The following GPD1L variants were observed in gnomAD, a reference collection of about 807,000 sequenced individuals.
GPD1L encodes glycerol-3-phosphate dehydrogenase 1 like.
Under a neutral mutation model 32.9 loss-of-function variants are expected in GPD1L, and 17 were observed. The ratio of observed to expected loss-of-function variants is 0.52; its 90% CI spans 0.35 to 0.78. The LOEUF is 0.78. Ranked by LOEUF, GPD1L falls within the 30% of genes least tolerant of loss-of-function variation. The pLI, the probability that GPD1L is intolerant of heterozygous loss-of-function variation, is 0.01. For missense variants in GPD1L, 361 were observed against 447.8 expected (o/e 0.81, Z 1.75); for synonymous variants, 187 against 165.9 (o/e 1.13, Z -0.98).
intron 2 of GPD1L, among the ~76,000 whole-genome samples, chr3:32,136,790 C>T (rs1030068890): frequency 6.6e-6 from 1 of 152,078 alleles, no homozygotes; most frequent in Non-Finnish European, 1.5e-5. Context: ...TGTACCATCT[C>T]CTAAGCCTTG....
chr3:32,115,549 G>A (rs1199507373), intron 1 of GPD1L, among the ~76,000 whole-genome samples: 3 of 152,082 alleles, frequency 2.0e-5, no homozygotes, highest in Non-Finnish European at 4.4e-5. Flanking sequence ...GCTGAAGAAA[G>A]GAAGTGGTTT....
In GPD1L at chr3:32,106,769, GC is replaced by G; in HGVS notation, c.47+12del. ...GGGCTCGGGGAACTGGTGAGCGGCGGCGGGCTGGAGGCCGGGGCTCCGCTTC... is the reference window on the plus strand; with the variant it reads ...GGGCTCGGGGAACTGGTGAGCGGCGGGGGCTGGAGGCCGGGGCTCCGCTTC... On this transcript the variant is annotated intron_variant, in intron 1 of 7. Transcript: ENST00000282541. The surrounding 1 kb of genome is among the most constrained non-coding windows in gnomAD (Gnocchi z 4.0). 1 of 1,558,522 alleles carries G rather than the reference GC, an allele frequency of 6.4e-7. No individual in the cohort carries two copies. Among genetic ancestry groups the G allele is most frequent in the Non-Finnish European group, 8.7e-7 (1 of 1,153,008 alleles).
chr3:32,120,189 G>A (rs1301480252), intron 1 of GPD1L, among the ~76,000 whole-genome samples: 1 of 152,190 alleles, frequency 6.6e-6, no homozygotes. Context: ...GTGGTGGCGC[G>A]TGCCTGTAGT....
intron 3 of GPD1L, among the ~76,000 whole-genome samples, chr3:32,139,344 A>G (rs1296795460): frequency 6.6e-6 from 1 of 152,196 alleles, no homozygotes; most frequent in Non-Finnish European, 1.5e-5. Context: ...ATCTCAAGGT[A>G]TCATTTATAC....
At position 32,107,303 on chromosome 3, in the gene GPD1L, A is replaced by T. The variant is rs1700178396; in HGVS notation, c.47+545A>T. ...CTATCTTAGGCGCGTCGTATCAGGA[A>T]GAAAATCCAAGTTTCAACAGGCCGC... On this transcript the variant is annotated intron_variant, in intron 1 of 7. Coordinates refer to ENST00000282541, the MANE Select transcript of GPD1L (RefSeq NM_015141.4). Among the ~76,000 whole-genome samples, 3 of 152,210 alleles carry T rather than the reference A, an allele frequency of 2.0e-5. No homozygotes were observed. In the South Asian group the frequency reaches 6.2e-4, roughly 31 times the overall value.
intron 4 of GPD1L, among the ~76,000 whole-genome samples, chr3:32,146,276 T>C (rs1700824239): frequency 6.6e-6 from 1 of 151,874 alleles, no homozygotes; most frequent in Non-Finnish European, 1.5e-5. Context: ...TTAGTAGAGA[T>C]GGGGTTTCAC....
chr3:32,141,823 G>A (rs1700748614), intron 4 of GPD1L, among the ~76,000 whole-genome samples: 2 of 152,032 alleles, frequency 1.3e-5, no homozygotes, highest in Admixed American at 6.6e-5. Context: ...TTAGATTCGG[G>A]GGTACATGTG....
At chr3:32,130,017 CT>C (rs1700562506) in intron 2 of GPD1L, among the ~76,000 whole-genome samples, 1 of 152,184 alleles carries the variant, frequency 6.6e-6, no homozygotes, top group Admixed American at 6.5e-5. Flanking sequence ...ACCTTGCTTT[CT>C]GGTTCTTCAT....
chr3:32,136,431 C>T (rs912620879), intron 2 of GPD1L, among the ~76,000 whole-genome samples: 1 of 152,154 alleles, frequency 6.6e-6, no homozygotes, highest in African/African-American at 2.4e-5. Flanking sequence ...GGGGCCAATT[C>T]CACCCAAATG....
intron 1 of GPD1L, among the ~76,000 whole-genome samples, chr3:32,125,521 T>G (rs913024073): frequency 2.6e-5 from 4 of 152,140 alleles, no homozygotes; most frequent in Non-Finnish European, 5.9e-5. Flanking sequence ...CCCTGCACCC[T>G]GGGTTGGGCT....
intron 5 of GPD1L, among the ~76,000 whole-genome samples, chr3:32,155,351 A>T (rs999770441): frequency 5.3e-5 from 8 of 152,210 alleles, no homozygotes; most frequent in Admixed American, 3.9e-4. Flanking sequence ...GGCAGTGTGT[A>T]ACTAGCCTGG....
rs369439723 is a variant in GPD1L at position 32,165,858 on chromosome 3, G to A, written c.1004G>A (p.Arg335Lys). The change falls in exon 8 of 8, where the codon AGA (arginine) becomes AAA (lysine). Residue 335 changes from arginine (R) to lysine (K), a missense_variant. Arg to Lys is a conservative substitution (Grantham distance 26). Transcript: ENST00000282541. ...GTGTATCAGATCTGCTACGAAAGCA[G>A]ACCAGTTCAAGAGATGTTGTCTTGT... ...TAVYQICYES[R>K]PVQEMLSCLQ... 12 of 1,610,152 alleles carry A rather than the reference G, an allele frequency of 7.5e-6. No homozygotes were observed. In the African/African-American group the frequency reaches 1.6e-4, roughly 22 times the overall value.
At chr3:32,138,205 C>G (rs376596387) in intron 2 of GPD1L, among the ~76,000 whole-genome samples, 2 of 152,140 alleles carry the variant, frequency 1.3e-5, no homozygotes, top group South Asian at 2.1e-4. Context: ...AACAAGGGAG[C>G]CTGGGGAAAT....
At chr3:32,164,550 T>C (rs1299402431) in intron 7 of GPD1L, among the ~76,000 whole-genome samples, 1 of 152,224 alleles carries the variant, frequency 6.6e-6, no homozygotes, top group Non-Finnish European at 1.5e-5. Context: ...ACATAAGTCA[T>C]TTAATACTTG....
At chr3:32,127,322 A>T (rs1193875644) in intron 1 of GPD1L, among the ~76,000 whole-genome samples, 1 of 152,256 alleles carries the variant, frequency 6.6e-6, no homozygotes, top group African/African-American at 2.4e-5. Context: ...TGACAGGCTC[A>T]GCTAGGATCA....
At position 32,106,829 on chromosome 3, in the gene GPD1L, G is replaced by T. The variant is rs988754584; in HGVS notation, c.47+71G>T. 1 of 1,406,174 alleles carries T rather than the reference G, an allele frequency of 7.1e-7. No homozygotes were observed. Among genetic ancestry groups the T allele is most frequent in the Non-Finnish European group, 9.5e-7 (1 of 1,050,864 alleles). 87.1% of individuals were successfully genotyped at this position (1,406,174 alleles called of 1,614,324 possible). ...GCCTCTCCCGGGCGGTGAGGGCTGCGCGCCCCATGCTGCGGCGTGGGCACC... is the reference window on the plus strand; with the variant it reads ...GCCTCTCCCGGGCGGTGAGGGCTGCTCGCCCCATGCTGCGGCGTGGGCACC... On this transcript the variant is annotated intron_variant, in intron 1 of 7. Coordinates refer to ENST00000282541, the MANE Select transcript of GPD1L (RefSeq NM_015141.4). This position sits in a 1 kb window ranked among gnomAD's most constrained non-coding sequence, Gnocchi z 4.0.
chr3:32,161,813 A>G (rs1701077103), intron 7 of GPD1L, among the ~76,000 whole-genome samples: 1 of 152,170 alleles, frequency 6.6e-6, no homozygotes, highest in Non-Finnish European at 1.5e-5. Context: ...ACCTGTGCTT[A>G]ATAACATCGC....
chr3:32,149,257 C>T (rs546018320), intron 5 of GPD1L, among the ~76,000 whole-genome samples: 7 of 152,214 alleles, frequency 4.6e-5, no homozygotes, highest in East Asian at 3.9e-4. Context: ...GATGGGGCCT[C>T]GCTGTGTTGT....
At chr3:32,149,353 A>G (rs1283695111) in intron 5 of GPD1L, among the ~76,000 whole-genome samples, 2 of 152,152 alleles carry the variant, frequency 1.3e-5, no homozygotes, top group Middle Eastern at 3.2e-3. Flanking sequence ...GACCCACCAC[A>G]TCCAGCCATT....
Sources: gnomAD v4.1 joint callset for allele counts (sites outside exome capture counted in the v4.1 genomes callset) on GRCh38, gnomAD v4.1.1 for gene constraint, Gnocchi (gnomAD v3.1) non-coding constraint, MANE v1.5 for transcripts, NCBI Gene and HGNC (gene_info 2026-07-23, HGNC 2026-07-21) for gene names.